XKR6: variants seen among roughly 807,000 people sequenced by gnomAD.
XKR6 encodes XK related 6.
XKR6 carries 22 observed loss-of-function variants against 56.7 expected under a neutral mutation model. The observed-to-expected ratio is 0.39, with a 90% CI of 0.28 to 0.55. The LOEUF (loss-of-function observed/expected upper bound fraction) is 0.55, where lower values mean the gene tolerates loss of function less well. Among genes scored for constraint, XKR6 ranks in the 20% least tolerant of loss-of-function variants. XKR6 has a pLI of 0.66. For synonymous variants in XKR6, 524 were observed against 387.8 expected (o/e 1.35, Z -4.13); for missense variants, 852 against 889.0 (o/e 0.96, Z 0.53).
chr8:11,200,749 C>G lies in XKR6; in HGVS notation c.591G>C (p.Glu197Asp). The G allele has an allele frequency of 6.3e-7, 1 of 1,596,862 alleles. No homozygotes were observed. Among genetic ancestry groups the G allele is most frequent in the South Asian group, 1.1e-5 (1 of 89,278 alleles). The change falls in exon 1 of 3, where the codon GAG (glutamate) becomes GAC (aspartate). Residue 197 changes from glutamate to aspartate, a missense_variant. This residue lies in a region of XKR6 where 417 missense variants were observed against 355.2 expected (regional missense o/e 1.17). Coordinates refer to ENST00000416569, the MANE Select transcript of XKR6 (RefSeq NM_173683.4). This position sits in a 1 kb window ranked among gnomAD's most constrained non-coding sequence, Gnocchi z 6.4. Reference sequence around the variant, plus strand: ...TGGGGGGGCCCCGGCTGGTGAGCCCCTCCACGGCGCCCAGCCCGCCGCCCG... The same window carrying G: ...TGGGGGGGCCCCGGCTGGTGAGCCCGTCCACGGCGCCCAGCCCGCCGCCCG... ...DYTGGGLGAV[E>D]GLTSRGPPMM...
At chr8:11,082,042 A>T (rs1424333812) in intron 1 of XKR6, among the ~76,000 whole-genome samples, 2 of 152,166 alleles carry the variant, frequency 1.3e-5, no homozygotes, top group African/African-American at 2.4e-5. Context: ...GTTGGAGGGG[A>T]GCTAGCAGTC....
intron 1 of XKR6, among the ~76,000 whole-genome samples, chr8:11,099,517 T>C (rs555520031): frequency 6.6e-6 from 1 of 152,314 alleles, no homozygotes; most frequent in South Asian, 2.1e-4. Context: ...AGCTCTGAGA[T>C]CAGCTCCTCT....
chr8:10,992,922 C>T (rs553665349), intron 1 of XKR6, among the ~76,000 whole-genome samples: 1 of 152,192 alleles, frequency 6.6e-6, no homozygotes, highest in Non-Finnish European at 1.5e-5. Flanking sequence ...GCTGAGGTGG[C>T]AAACTACCTG....
intron 1 of XKR6, among the ~76,000 whole-genome samples, chr8:11,192,512 G>C (rs1239174216): frequency 6.6e-6 from 1 of 151,910 alleles, no homozygotes; most frequent in African/African-American, 2.4e-5. Flanking sequence ...CTACTCAGGA[G>C]GCATAGGCAA....
chr8:10,964,160 T>A (rs1485142110), intron 1 of XKR6, among the ~76,000 whole-genome samples: 1 of 152,036 alleles, frequency 6.6e-6, no homozygotes, highest in Admixed American at 6.6e-5. Context: ...CTGACCTACC[T>A]CCCCAGGGCA....
intron 1 of XKR6, among the ~76,000 whole-genome samples, chr8:11,187,533 G>C: frequency 6.6e-6 from 1 of 152,274 alleles, no homozygotes; most frequent in African/African-American, 2.4e-5. Context: ...GTTGGTTCAC[G>C]AGTGGTTCTT....
chr8:11,091,121 G>T (rs1260585408), intron 1 of XKR6, among the ~76,000 whole-genome samples: 1 of 152,094 alleles, frequency 6.6e-6, no homozygotes, highest in African/African-American at 2.4e-5. Flanking sequence ...CCAAGCAAGG[G>T]CTATTGCTAG....
chr8:11,039,058 G>A (rs573901110), intron 1 of XKR6, among the ~76,000 whole-genome samples: 15 of 151,360 alleles, frequency 9.9e-5, no homozygotes, highest in South Asian at 2.1e-4. Context: ...AGAGAGTGGC[G>A]CAGGCCCAGT....
At chr8:11,077,443 G>A (rs993718224) in intron 1 of XKR6, among the ~76,000 whole-genome samples, 2 of 152,182 alleles carry the variant, frequency 1.3e-5, no homozygotes, top group Non-Finnish European at 2.9e-5. Flanking sequence ...AGCACTTTGA[G>A]TATGAGACTG....
At chr8:11,005,067 G>C (rs929772196) in intron 1 of XKR6, among the ~76,000 whole-genome samples, 1 of 152,086 alleles carries the variant, frequency 6.6e-6, no homozygotes. Context: ...CGTTTCAGTG[G>C]ATGCCTGAAA....
intron 1 of XKR6, among the ~76,000 whole-genome samples, chr8:11,062,265 A>C (rs1490126243): frequency 6.6e-6 from 1 of 152,044 alleles, no homozygotes; most frequent in African/African-American, 2.4e-5. Context: ...GAGGCCTGGG[A>C]GCCAAGGCCA....
At chr8:11,192,801 C>G (rs6601567) in intron 1 of XKR6, among the ~76,000 whole-genome samples, 4,343 of 152,198 alleles carry the variant, frequency 0.029, 186 homozygotes, top group African/African-American at 0.097. Flanking sequence ...TTAATGGCCC[C>G]GTGGGCTCTC....
rs1214012806 is a variant in XKR6 at position 11,178,548 on chromosome 8, ATATATATATATATATATATATATATG to A, written c.764+22002_764+22027del. 1.8e-3 allele frequency among the ~76,000 whole-genome samples: 142 copies of A among 78,010 alleles called. 2 individuals are homozygous for A. The highest frequency in any genetic ancestry group is 1.7e-3 in the Non-Finnish European group (79 of 45,844). The allele number at this position is 78,010 out of a possible 152,430, so 51.2% of individuals were successfully genotyped here. A position where few individuals can be genotyped will look rare whatever the true frequency, so the allele number is the denominator to read the frequency against. Reference sequence around the variant, plus strand: ...AAGTCCAAACATCTGAGAGGTAAAAATATATATATATATATATATATATATGTATATATATATGTACTACACACACA... The same window carrying A: ...AAGTCCAAACATCTGAGAGGTAAAAATATATATATATGTACTACACACACA... On this transcript the variant is annotated intron_variant, in intron 1 of 2. Coordinates refer to ENST00000416569, the MANE Select transcript of XKR6 (RefSeq NM_173683.4).
At chr8:11,001,652 T>A (rs893853281) in intron 1 of XKR6, among the ~76,000 whole-genome samples, 1 of 152,196 alleles carries the variant, frequency 6.6e-6, no homozygotes, top group Non-Finnish European at 1.5e-5. Context: ...ATGAGGGTTG[T>A]AGCCGTTGCT....
At chr8:10,908,896 G>T (rs1800263620) in intron 2 of XKR6, among the ~76,000 whole-genome samples, 6 of 152,212 alleles carry the variant, frequency 3.9e-5, no homozygotes, top group Admixed American at 3.3e-4. Flanking sequence ...TGGGCACGGT[G>T]GCTCACGCCT....
chr8:11,152,166 G>A (rs1801300039), intron 1 of XKR6, among the ~76,000 whole-genome samples: 1 of 152,106 alleles, frequency 6.6e-6, no homozygotes, highest in Admixed American at 6.6e-5. Flanking sequence ...ACACTCTTGG[G>A]AATCTTAGGG....
chr8:11,052,957 G>C (rs1280318233), intron 1 of XKR6, among the ~76,000 whole-genome samples: 2 of 152,194 alleles, frequency 1.3e-5, no homozygotes, highest in African/African-American at 4.8e-5. Context: ...TGCGTGTCTG[G>C]CATGTTTGGT....
chr8:11,074,530 A>G (rs1800217788), intron 1 of XKR6, among the ~76,000 whole-genome samples: 1 of 152,160 alleles, frequency 6.6e-6, no homozygotes. Context: ...TGAAGAAAGA[A>G]ATGAAGGTGA....
intron 1 of XKR6, among the ~76,000 whole-genome samples, chr8:11,092,511 G>A (rs1402537052): frequency 1.3e-5 from 2 of 152,168 alleles, no homozygotes; most frequent in Admixed American, 6.5e-5. Context: ...TGATGCTCTG[G>A]AAGCCATGAT....
Sources: gnomAD v4.1 joint callset for allele counts (sites outside exome capture counted in the v4.1 genomes callset) on GRCh38, gnomAD v4.1.1 for gene constraint, gnomAD v4.1.1 regional missense constraint, Gnocchi (gnomAD v3.1) non-coding constraint, MANE v1.5 for transcripts, NCBI Gene and HGNC (gene_info 2026-07-23, HGNC 2026-07-21) for gene names.